ZNF644: variants seen among roughly 807,000 people sequenced by gnomAD.
ZNF644 encodes zinc finger motif enhancer binding protein 2.
In ZNF644, 20 loss-of-function variants were observed where a neutral mutation model predicts 108.0. The observed-to-expected ratio is 0.19, with a 90% CI of 0.13 to 0.27. The LOEUF is 0.27. ZNF644 is among the 10% of genes least tolerant of loss of function. The pLI, the probability that ZNF644 is intolerant of heterozygous loss-of-function variation, is 1.00. For synonymous variants in ZNF644, 542 were observed against 539.1 expected, an observed-to-expected ratio of 1.01 and a Z score of -0.08; for missense variants, 1,338 against 1,548.9, an observed-to-expected ratio of 0.86 and a Z score of 2.29.
chr1:90,920,070 G>C (rs898949974), intron 4 of ZNF644, among the ~76,000 whole-genome samples: 2 of 152,024 alleles, frequency 1.3e-5, no homozygotes, highest in Non-Finnish European at 2.9e-5. Flanking sequence ...CTGAATTTAA[G>C]TGGGTTATGA....
intron 4 of ZNF644, 100 bp downstream of exon 4, chr1:90,937,385 G>C: frequency 9.1e-6 from 14 of 1,543,550 alleles, no homozygotes; most frequent in Non-Finnish European, 1.1e-5. Flanking sequence ...GCTTAAACAG[G>C]AAGATTGTGA....
At chr1:90,986,157 A>G (rs1284684331) in intron 1 of ZNF644, among the ~76,000 whole-genome samples, 1 of 152,114 alleles carries the variant, frequency 6.6e-6, no homozygotes, top group African/African-American at 2.4e-5. Flanking sequence ...TTCAAGCAGT[A>G]TTCTAAGAGA....
chr1:91,006,509 G>T (rs764425021), intron 1 of ZNF644, among the ~76,000 whole-genome samples: 2 of 152,148 alleles, frequency 1.3e-5, no homozygotes, highest in Admixed American at 1.3e-4. Context: ...CCAAAAAATA[G>T]GAGGGAACAC....
intron 1 of ZNF644, among the ~76,000 whole-genome samples, chr1:91,006,052 G>C (rs1383949095): frequency 6.6e-6 from 1 of 152,016 alleles, no homozygotes; most frequent in Non-Finnish European, 1.5e-5. Context: ...AATGGAAAAG[G>C]AGTCATTACT....
intron 2 of ZNF644, among the ~76,000 whole-genome samples, chr1:90,949,678 T>C (rs902477731): frequency 2.0e-5 from 3 of 152,158 alleles, no homozygotes; most frequent in African/African-American, 7.2e-5. Context: ...TACACTGTAG[T>C]AGGTATTACA....
At chr1:90,934,985 C>T (rs902774483) in intron 4 of ZNF644, among the ~76,000 whole-genome samples, 1 of 152,046 alleles carries the variant, frequency 6.6e-6, no homozygotes, top group Non-Finnish European at 1.5e-5. Context: ...ACATTATAGC[C>T]GCTAACTCTT....
In ZNF644 at chr1:90,938,319, T is replaced by C; in HGVS notation, c.3035A>G (p.His1012Arg). 4 of 1,614,040 alleles carry C rather than the reference T, an allele frequency of 2.5e-6. No homozygotes were observed. The highest frequency in any genetic ancestry group is 3.4e-6 in the Non-Finnish European group (4 of 1,179,900). Residue 1012 changes from histidine (H) to arginine (R), a missense_variant, in exon 3 of 6, where the codon CAT (histidine) becomes CGT (arginine). This residue lies in a region of ZNF644 where 287 missense variants were observed against 310.9 expected (regional missense o/e 0.92). Transcript: ENST00000337393. The surrounding 1 kb of genome is among the most constrained non-coding windows in gnomAD (Gnocchi z 4.2). The part of the protein sequence containing the change: ...EQIATSDKMQ[H>R]FKRTGTGTPV... ...TGTTCCTGTGCCAGTTCTTTTGAAA[T>C]GCTGCATTTTGTCACTTGTGGCTAT...
chr1:90,982,592 C>G (rs1656663972), intron 1 of ZNF644, among the ~76,000 whole-genome samples: 1 of 151,894 alleles, frequency 6.6e-6, no homozygotes, highest in Admixed American at 6.6e-5. Context: ...AAATAATAAT[C>G]TATTCAAATG....
chr1:90,991,759 TC>T (rs1222671632), intron 1 of ZNF644, among the ~76,000 whole-genome samples: 1 of 152,030 alleles, frequency 6.6e-6, no homozygotes, highest in African/African-American at 2.4e-5. Context: ...TGGAAATCTG[TC>T]CCCATGATCC....
rs1651802864 is a variant in ZNF644, at chr1:90,940,216, T to C, written c.1138A>G (p.Ser380Gly). ...TTTAAGGTATTTGAAAGAAAAGTGC[T>C]AGTATGAACAGGTGAACTCTCTTCT... Reference protein sequence around the residue: ...CGEESSPVHTSTFLSNTLKKK... With the variant: ...CGEESSPVHTGTFLSNTLKKK... Residue 380 changes from serine (S) to glycine (G), a missense_variant, in exon 3 of 6, where the codon AGC becomes GGC. Physicochemically the swap from Ser to Gly is moderately conservative, Grantham distance 56 (BLOSUM62 0). Coordinates refer to ENST00000337393, the MANE Select transcript of ZNF644 (RefSeq NM_201269.3). 3 of 1,613,922 alleles carry C rather than the reference T, an allele frequency of 1.9e-6. No individual in the cohort carries two copies. The highest frequency in any genetic ancestry group is 1.3e-5 in the African/African-American group (1 of 74,890).
intron 2 of ZNF644, among the ~76,000 whole-genome samples, chr1:90,977,287 T>C (rs757533903): frequency 6.6e-6 from 1 of 152,090 alleles, no homozygotes; most frequent in Non-Finnish European, 1.5e-5. Context: ...TGTAGCAAAC[T>C]ATAAAGAAAT....
chr1:90,939,536 C>A lies in ZNF644; in HGVS notation c.1818G>T (p.Glu606Asp). 6.2e-7 allele frequency: 1 copy of A among 1,613,976 alleles called. No individual in the cohort carries two copies. The highest frequency in any genetic ancestry group is 8.5e-7 in the Non-Finnish European group (1 of 1,179,918). ...SAKSVLKKHTEYLHSSSCVDS... is the reference protein window; with the variant it reads ...SAKSVLKKHTDYLHSSSCVDS... ...CAACACATGATGATGAATGCAAGTA[C>A]TCCGTGTGCTTTTTTAAAACACTTT... Residue 606 changes from glutamate (E) to aspartate (D), a missense_variant, in exon 3 of 6, where the codon GAG (glutamate) becomes GAT (aspartate). Transcript: ENST00000337393.
At chr1:90,998,031 G>A (rs1658340688) in intron 1 of ZNF644, among the ~76,000 whole-genome samples, 1 of 152,204 alleles carries the variant, frequency 6.6e-6, no homozygotes, top group Non-Finnish European at 1.5e-5. Flanking sequence ...GCTTGAGTAG[G>A]TAAACAAAGC....
chr1:91,011,633 TCA>T (rs1429651929), intron 1 of ZNF644, among the ~76,000 whole-genome samples: 1 of 152,206 alleles, frequency 6.6e-6, no homozygotes, highest in African/African-American at 2.4e-5. Flanking sequence ...CAATTCTATT[TCA>T]GTTTTCCATT....
At chr1:90,977,613 A>C (rs540828953) in intron 2 of ZNF644, among the ~76,000 whole-genome samples, 131 of 152,332 alleles carry the variant, frequency 8.6e-4, no homozygotes, top group Non-Finnish European at 1.4e-3. Context: ...GAATGTGGGA[A>C]AACAGATATT....
chr1:91,008,563 T>C (rs1401867570), intron 1 of ZNF644, among the ~76,000 whole-genome samples: 1 of 152,166 alleles, frequency 6.6e-6, no homozygotes, highest in Admixed American at 6.5e-5. Context: ...ATCAGGATAA[T>C]CAGAAAACAG....
Position 90,938,621 on chromosome 1 carries a change from G to C in ZNF644, c.2733C>G (p.Asp911Glu), listed in dbSNP as rs1651604588. The C allele has an allele frequency of 6.2e-7, 1 of 1,611,466 alleles. No homozygotes were observed. The highest frequency in any genetic ancestry group is 1.1e-5 in the South Asian group (1 of 90,736). Reference protein sequence around the residue: ...EPGENATLSYDQNDGFYFEYY... With the variant: ...EPGENATLSYEQNDGFYFEYY... ...ATTCAAAATAAAAGCCATCGTTTTG[G>C]TCATAACTAAGAGTAGCATTTTCTC... Residue 911 changes from aspartate (D) to glutamate (E), a missense_variant, in exon 3 of 6, where the codon GAC (aspartate) becomes GAG (glutamate). Asp to Glu is a conservative substitution (Grantham distance 45). Around this residue, in one of 6 missense-constraint regions of ZNF644, gnomAD observed 462 missense variants for 472.6 expected, o/e 0.98. Transcript: ENST00000337393. The surrounding 1 kb of genome is among the most constrained non-coding windows in gnomAD (Gnocchi z 4.2).
At chr1:90,928,213 C>A (rs528153766) in intron 4 of ZNF644, among the ~76,000 whole-genome samples, 3 of 151,532 alleles carry the variant, frequency 2.0e-5, no homozygotes, top group African/African-American at 4.9e-5. Flanking sequence ...AGTGCAGTGG[C>A]GCAATCTTGG....
rs1404738739 is a variant in ZNF644 at position 90,939,524 on chromosome 1, T to C, written c.1830A>G (p.Ser610=). 7 of 1,613,858 alleles carry C rather than the reference T, an allele frequency of 4.3e-6. No individual in the cohort carries two copies. The African/African-American group carries it at 6.7e-5, about 15-fold the overall frequency. Residue 610 remains serine, a synonymous_variant, in exon 3 of 6, where the codon TCA becomes TCG. Transcript: ENST00000337393. The part of the protein sequence containing the change: ...VLKKHTEYLH[S]SSCVDSFGSP... ...TACCAAATGAATCAACACATGATGA[T>C]GAATGCAAGTACTCCGTGTGCTTTT... is the stretch of plus-strand genomic sequence containing the variant.
Sources: allele counts gnomAD v4.1 joint callset (sites outside exome capture counted in the v4.1 genomes callset), GRCh38; gene constraint gnomAD v4.1.1; regional missense constraint gnomAD v4.1.1; non-coding constraint Gnocchi (gnomAD v3.1); transcripts MANE v1.5; gene names NCBI Gene and HGNC (gene_info 2026-07-23, HGNC 2026-07-21).